Variants in NRXN3 observed in about 807,000 individuals in gnomAD.
The protein encoded by NRXN3 is neurexin III.
NRXN3 carries 32 observed loss-of-function variants against 137.6 expected under a neutral mutation model. The observed-to-expected ratio is 0.23, with a 90% confidence interval of 0.18 to 0.31. The LOEUF (loss-of-function observed/expected upper bound fraction) is 0.31, where lower values mean the gene tolerates loss of function less well. Among genes scored for constraint, NRXN3 ranks in the 10% least tolerant of loss-of-function variants. NRXN3 has a pLI of 1.00. For synonymous variants in NRXN3, 798 were observed against 784.5 expected (o/e 1.02, Z -0.29); for missense variants, 1,574 against 2,062.5 (o/e 0.76, Z 4.59).
chr14:79,037,323 C>T (rs1469790801), intron 15 of NRXN3, among the ~76,000 whole-genome samples: 2 of 152,088 alleles, frequency 1.3e-5, no homozygotes, highest in African/African-American at 4.8e-5. Flanking sequence ...GCTACAAGAC[C>T]TGCTTCCGTA....
intron 15 of NRXN3, among the ~76,000 whole-genome samples, chr14:79,234,619 G>A (rs994608300): frequency 7.3e-5 from 11 of 151,370 alleles, no homozygotes; most frequent in African/African-American, 2.4e-4. Flanking sequence ...TCCTGCCCTC[G>A]AGTGATCTGC....
At chr14:78,373,868 C>A (rs1401859867) in intron 4 of NRXN3, among the ~76,000 whole-genome samples, 1 of 152,188 alleles carries the variant, frequency 6.6e-6, no homozygotes, top group Non-Finnish European at 1.5e-5. Context: ...CTGTAATGAG[C>A]TTTTAGCTTG....
At chr14:79,182,431 A>T (rs994646357) in intron 15 of NRXN3, among the ~76,000 whole-genome samples, 10 of 151,810 alleles carry the variant, frequency 6.6e-5, no homozygotes, top group Non-Finnish European at 8.8e-5. Context: ...ACAGACAGTG[A>T]CAGATCATCA....
At chr14:78,335,814 T>C (rs1315439452) in intron 4 of NRXN3, among the ~76,000 whole-genome samples, 1 of 152,080 alleles carries the variant, frequency 6.6e-6, no homozygotes, top group Non-Finnish European at 1.5e-5. Flanking sequence ...CTCCATGAAA[T>C]GTAAATCTGG....
intron 4 of NRXN3, among the ~76,000 whole-genome samples, chr14:78,535,735 A>G (rs2096529572): frequency 6.6e-6 from 1 of 152,206 alleles, no homozygotes; most frequent in Admixed American, 6.5e-5. Context: ...TGGGTAAAGC[A>G]ACTTGAACTT....
At chr14:78,349,767 C>T (rs900596694) in intron 4 of NRXN3, among the ~76,000 whole-genome samples, 4 of 152,194 alleles carry the variant, frequency 2.6e-5, no homozygotes, top group African/African-American at 9.7e-5. Context: ...CAGTATTATT[C>T]CTAGTCATTG....
At chr14:78,754,339 G>T (rs2098657595) in intron 8 of NRXN3, among the ~76,000 whole-genome samples, 1 of 152,036 alleles carries the variant, frequency 6.6e-6, no homozygotes, top group African/African-American at 2.4e-5. Flanking sequence ...CCCCAGTCCT[G>T]GGTACTCCCC....
intron 8 of NRXN3, among the ~76,000 whole-genome samples, chr14:78,740,108 C>T (rs752109902): frequency 2.6e-5 from 4 of 152,116 alleles, no homozygotes; most frequent in Non-Finnish European, 5.9e-5. Flanking sequence ...TCAAAAGAAG[C>T]CCACATGCAG....
chr14:78,696,867 T>C (rs1243784572), intron 6 of NRXN3, among the ~76,000 whole-genome samples: 1 of 152,098 alleles, frequency 6.6e-6, no homozygotes, highest in African/African-American at 2.4e-5. Context: ...CTATCACTGT[T>C]TCTACTACTG....
At chr14:79,586,641 C>T (rs1415165214) in intron 16 of NRXN3, among the ~76,000 whole-genome samples, 2 of 152,166 alleles carry the variant, frequency 1.3e-5, no homozygotes, top group Admixed American at 1.3e-4. Context: ...GGCCCTAAAG[C>T]ACATCTTGAT....
intron 16 of NRXN3, among the ~76,000 whole-genome samples, chr14:79,613,173 A>G (rs1327913974): frequency 6.6e-6 from 1 of 152,262 alleles, no homozygotes; most frequent in Non-Finnish European, 1.5e-5. Context: ...GATGGAAGTT[A>G]TGATTAAGAA....
rs558136940 is a variant in NRXN3, at chr14:78,853,314, G to A, written c.2275+42970G>A. Among the ~76,000 whole-genome samples, 21 of 152,100 alleles carry A rather than the reference G, an allele frequency of 1.4e-4. 1 individual carries two copies. The highest frequency in any genetic ancestry group is 1.0e-3 in the South Asian group (5 of 4,814). Reference sequence around the variant, plus strand: ...TTCCTACCTATGAGTGAGAACATGCGGTGTTTGGTTTTTTGTCCTTGTGAT... The same window carrying A: ...TTCCTACCTATGAGTGAGAACATGCAGTGTTTGGTTTTTTGTCCTTGTGAT... On this transcript the variant is annotated intron_variant, in intron 10 of 20. Coordinates refer to ENST00000335750, the MANE Select transcript of NRXN3 (RefSeq NM_001330195.2).
At chr14:78,615,602 C>T (rs889877998) in intron 4 of NRXN3, among the ~76,000 whole-genome samples, 25 of 151,652 alleles carry the variant, frequency 1.6e-4, no homozygotes, top group African/African-American at 5.1e-4. Flanking sequence ...CAGTGTGAGA[C>T]TCCATCTCAA....
At chr14:79,249,532 T>C (rs2075660571) in intron 15 of NRXN3, among the ~76,000 whole-genome samples, 1 of 152,228 alleles carries the variant, frequency 6.6e-6, no homozygotes, top group Non-Finnish European at 1.5e-5. Flanking sequence ...GACAATTGGA[T>C]TCCATGAACA....
chr14:79,177,994 A>C lies in NRXN3; in HGVS notation c.3262+189853A>C, dbSNP rs148271859. Among the ~76,000 whole-genome samples, 306 of 152,344 alleles carry C rather than the reference A, an allele frequency of 2.0e-3. 1 individual carries two copies. Among genetic ancestry groups the C allele is most frequent in the African/African-American group, 6.4e-3 (265 of 41,584 alleles). On this transcript the variant is annotated intron_variant, in intron 15 of 20. Coordinates refer to ENST00000335750, the MANE Select transcript of NRXN3 (RefSeq NM_001330195.2). ...TTCCAGTAACTTTTTGACCAAAAAA[A>C]TGGCTATGTGGTTGTTGCCATCAAG...
chr14:79,458,691 A>G (rs1370890272), intron 15 of NRXN3, among the ~76,000 whole-genome samples: 2 of 152,176 alleles, frequency 1.3e-5, no homozygotes, highest in Non-Finnish European at 2.9e-5. Context: ...GCAATTTCCT[A>G]GAACTTATTT....
chr14:78,788,499 A>G (rs1449324153), intron 8 of NRXN3, among the ~76,000 whole-genome samples: 1 of 152,136 alleles, frequency 6.6e-6, no homozygotes, highest in African/African-American at 2.4e-5. Context: ...TACTCATGGA[A>G]GATGAAAGGA....
chr14:79,645,109 C>A (rs1283507858), intron 16 of NRXN3, among the ~76,000 whole-genome samples: 1 of 135,772 alleles, frequency 7.4e-6, no homozygotes, highest in Non-Finnish European at 1.7e-5. Context: ...CATTTCTGCT[C>A]TTAAGACTTC....
intron 1 of NRXN3, among the ~76,000 whole-genome samples, chr14:78,198,070 C>T (rs1429467594): frequency 3.9e-5 from 6 of 152,262 alleles, no homozygotes; most frequent in Admixed American, 6.5e-5. Context: ...TCTCCACACT[C>T]ATCCTGCGGC....
Sources: gnomAD v4.1 joint callset for allele counts (sites outside exome capture counted in the v4.1 genomes callset) on GRCh38, gnomAD v4.1.1 for gene constraint, MANE v1.5 for transcripts, NCBI Gene and HGNC (gene_info 2026-07-23, HGNC 2026-07-21) for gene names.